The following ATP2B2 variants were observed in gnomAD, a reference collection of about 807,000 sequenced individuals.
The protein encoded by ATP2B2 is plasma membrane calcium-transporting ATPase 2.
In ATP2B2, 15 loss-of-function variants were observed where a neutral mutation model predicts 120.0. That is an observed-to-expected ratio of 0.12 (90% CI 0.08 to 0.19). The LOEUF (loss-of-function observed/expected upper bound fraction) is 0.19. Among genes scored for constraint, ATP2B2 ranks in the 10% least tolerant of loss-of-function variants. ATP2B2 has a pLI of 1.00. For synonymous variants in ATP2B2, 694 were observed against 700.3 expected (o/e 0.99, Z 0.14); for missense variants, 1,045 against 1,719.8 (o/e 0.61, Z 6.94).
intron 1 of ATP2B2, among the ~76,000 whole-genome samples, chr3:10,657,657 C>T (rs939818604): frequency 3.9e-5 from 6 of 152,240 alleles, no homozygotes; most frequent in Admixed American, 1.3e-4. Context: ...CCTCTGTAGA[C>T]TCCACCTCTG....
intron 1 of ATP2B2, among the ~76,000 whole-genome samples, chr3:10,628,541 C>T (rs1449342217): frequency 1.3e-5 from 2 of 152,244 alleles, no homozygotes; most frequent in East Asian, 1.9e-4. Flanking sequence ...AGGCAGGCCT[C>T]AACGCAGGAC....
chr3:10,575,080 C>T lies in ATP2B2; in HGVS notation c.-414-40947G>A, dbSNP rs115964313. Among the ~76,000 whole-genome samples, 406 of 152,308 alleles carry T rather than the reference C, an allele frequency of 2.7e-3. 1 individual carries two copies. Among genetic ancestry groups the T allele is most frequent in the African/African-American group, 9.2e-3 (382 of 41,568 alleles). On this transcript the variant is annotated intron_variant, in intron 2 of 21. Coordinates refer to the ATP2B2 transcript ENST00000646379. Reference sequence around the variant, plus strand: ...GAATCCTTGGTGAAGTCCCCGCTGCCGACTGCTCAGTGCCTGGGGTCACAA... The same window carrying T: ...GAATCCTTGGTGAAGTCCCCGCTGCTGACTGCTCAGTGCCTGGGGTCACAA...
intron 3 of ATP2B2, among the ~76,000 whole-genome samples, chr3:10,528,303 T>TG (rs1559441196): frequency 6.6e-6 from 1 of 151,902 alleles, no homozygotes; most frequent in Admixed American, 6.6e-5. Context: ...ACAAGTCACG[T>TG]GGGGAAATGC....
intron 2 of ATP2B2, among the ~76,000 whole-genome samples, chr3:10,600,886 G>C (rs2125591741): frequency 6.6e-6 from 1 of 152,308 alleles, no homozygotes; most frequent in South Asian, 2.1e-4. Flanking sequence ...ATGGCGGTCA[G>C]GCAAAAGCCC....
At chr3:10,569,497 G>A (rs2068077762) in intron 2 of ATP2B2, among the ~76,000 whole-genome samples, 1 of 152,116 alleles carries the variant, frequency 6.6e-6, no homozygotes, top group South Asian at 2.1e-4. Flanking sequence ...ACCCTGACCA[G>A]TATTTTTTTT....
chr3:10,596,037 G>A (rs1026050386), intron 2 of ATP2B2, among the ~76,000 whole-genome samples: 9 of 152,090 alleles, frequency 5.9e-5, no homozygotes, highest in Non-Finnish European at 1.0e-4. Flanking sequence ...TAAGCTGCCC[G>A]CTTGTCACTC....
intron 2 of ATP2B2, among the ~76,000 whole-genome samples, chr3:10,545,335 G>A (rs946427828): frequency 2.0e-5 from 3 of 152,132 alleles, no homozygotes; most frequent in Non-Finnish European, 4.4e-5. Context: ...TTCGAGACCA[G>A]CCTGGCCAAC....
chr3:10,378,679 C>A (rs902405755), intron 9 of ATP2B2, among the ~76,000 whole-genome samples: 2 of 152,224 alleles, frequency 1.3e-5, no homozygotes, highest in Non-Finnish European at 2.9e-5. Context: ...GGATCCCCCT[C>A]TCGGCCTGAA....
intron 2 of ATP2B2, among the ~76,000 whole-genome samples, chr3:10,539,088 A>G (rs557194835): frequency 6.6e-6 from 1 of 152,332 alleles, no homozygotes; most frequent in African/African-American, 2.4e-5. Context: ...AATAATAGAC[A>G]GAGAGCCAAA....
At chr3:10,369,314 G>A (rs781092174) in intron 12 of ATP2B2, among the ~76,000 whole-genome samples, 2 of 152,182 alleles carry the variant, frequency 1.3e-5, no homozygotes, top group Non-Finnish European at 2.9e-5. Context: ...CCCCTGAGAG[G>A]CTTTTTGCCC....
intron 12 of ATP2B2, among the ~76,000 whole-genome samples, chr3:10,367,590 G>A (rs935037455): frequency 3.3e-5 from 5 of 152,134 alleles, no homozygotes; most frequent in Non-Finnish European, 4.4e-5. Flanking sequence ...ACCTCAGTTC[G>A]TCTAAGCTTC....
chr3:10,390,011 T>C (rs1035909915), intron 5 of ATP2B2, among the ~76,000 whole-genome samples: 25 of 152,128 alleles, frequency 1.6e-4, no homozygotes, highest in African/African-American at 4.1e-4. Context: ...CATTTTTTTT[T>C]CCTGTTTTTA....
rs115845709 is a variant in ATP2B2, at chr3:10,388,050, G to T, written c.907+227C>A. Reference sequence around the variant, plus strand: ...GGCCTGGCCCGGAGGGGAAGGAGGGGCCTCCATGACATGATTGGACAAGAC... The same window carrying T: ...GGCCTGGCCCGGAGGGGAAGGAGGGTCCTCCATGACATGATTGGACAAGAC... On this transcript the variant is annotated intron_variant, in intron 6 of 22. Coordinates refer to ENST00000360273, the MANE Select transcript of ATP2B2 (RefSeq NM_001001331.4). 1,378 of 559,842 alleles carry T rather than the reference G, an allele frequency of 2.5e-3. 18 individuals carry two copies. The highest frequency in any genetic ancestry group is 0.024 in the African/African-American group (1,258 of 52,892). The allele number at this position is 559,842 out of a possible 1,614,324, so 34.7% of individuals were successfully genotyped here. A position where few individuals can be genotyped will look rare whatever the true frequency, so the allele number is the denominator to read the frequency against.
At chr3:10,697,608 C>T (rs2071759718) in intron 1 of ATP2B2, among the ~76,000 whole-genome samples, 1 of 152,218 alleles carries the variant, frequency 6.6e-6, no homozygotes, top group African/African-American at 2.4e-5. Context: ...TGGATGTATT[C>T]CCTGCTCCCC....
intron 1 of ATP2B2, among the ~76,000 whole-genome samples, chr3:10,503,790 G>T (rs73811918): frequency 0.05 from 7,559 of 152,334 alleles, 618 homozygotes; most frequent in African/African-American, 0.17. Context: ...CCAGCCCTCA[G>T]GTGGGTACAC....
In ATP2B2 at chr3:10,346,819, C is replaced by T. The variant is rs188045140; in HGVS notation, c.2405-682G>A. Among the ~76,000 whole-genome samples, 36 of 152,240 alleles carry T rather than the reference C, an allele frequency of 2.4e-4. No homozygotes were observed. Among genetic ancestry groups the T allele is most frequent in the Admixed American group, 1.8e-3 (28 of 15,302 alleles). On this transcript the variant is annotated intron_variant, in intron 16 of 22. Transcript: ENST00000360273. This position sits in a 1 kb window ranked among gnomAD's most constrained non-coding sequence, Gnocchi z 4.1. ...TTGCGAGCAGGGATGTCCATGGGCA[C>T]GACAGGAATTTGGGTATCAGCATCC...
chr3:10,428,065 C>A (rs1187947059), intron 2 of ATP2B2, among the ~76,000 whole-genome samples: 2 of 152,250 alleles, frequency 1.3e-5, no homozygotes. Flanking sequence ...ATTTCCTAGA[C>A]CTGCCATCCA....
rs1284085219 is a variant in ATP2B2, at chr3:10,402,711, T to G, written c.398-363A>C. Among the ~76,000 whole-genome samples the G allele has an allele frequency of 6.6e-6, 1 of 152,190 alleles. No individual in the cohort carries two copies. Among genetic ancestry groups the G allele is most frequent in the Non-Finnish European group, 1.5e-5 (1 of 68,028 alleles). On this transcript the variant is annotated intron_variant, in intron 3 of 22. Transcript: ENST00000360273. This position sits in a 1 kb window ranked among gnomAD's most constrained non-coding sequence, Gnocchi z 4.9. ...TGCCTTGGTTCTAGCTGTGAGATCT[T>G]GGGCAAATGACTCCCTTTCTGAAAC...
At chr3:10,503,097 TG>T (rs776858025) in intron 1 of ATP2B2, among the ~76,000 whole-genome samples, 47 of 152,300 alleles carry the variant, frequency 3.1e-4, no homozygotes, top group Non-Finnish European at 5.1e-4. Context: ...GCGCCTGAGC[TG>T]GGGGAACGCA....
Sources: gnomAD v4.1 joint callset for allele counts (sites outside exome capture counted in the v4.1 genomes callset) on GRCh38, gnomAD v4.1.1 for gene constraint, Gnocchi (gnomAD v3.1) non-coding constraint, MANE v1.5 for transcripts, NCBI Gene and HGNC (gene_info 2026-07-23, HGNC 2026-07-21) for gene names.